KIAA1549: variants seen among roughly 807,000 people sequenced by gnomAD.
KIAA1549 encodes KIAA1549, also known as UPF0606 protein KIAA1549.
A neutral mutation model predicts 156.4 loss-of-function variants in KIAA1549; 70 were observed. The observed-to-expected ratio is 0.45, with a 90% CI of 0.37 to 0.55. The LOEUF (loss-of-function observed/expected upper bound fraction) is 0.55. KIAA1549 is among the 20% of genes least tolerant of loss of function. The pLI is 0.00. For missense variants in KIAA1549, 2,428 were observed against 2,540.9 expected (o/e 0.96, Z 0.96); for synonymous variants, 1,103 against 1,066.4 (o/e 1.03, Z -0.67).
intron 8 of KIAA1549, among the ~76,000 whole-genome samples, chr7:138,902,137 A>C (rs1370535262): frequency 6.6e-6 from 1 of 152,202 alleles, no homozygotes; most frequent in South Asian, 2.1e-4. Flanking sequence ...AATTGTGATT[A>C]GTTTTTAAAT....
intron 17 of KIAA1549, among the ~76,000 whole-genome samples, chr7:138,849,690 A>AT (rs1554409898): frequency 6.6e-6 from 1 of 151,510 alleles, no homozygotes; most frequent in Non-Finnish European, 1.5e-5. Context: ...CCCAATAGTT[A>AT]TTTTTTCTGC....
chr7:138,898,056 C>G (rs1002248912), intron 9 of KIAA1549, among the ~76,000 whole-genome samples: 2 of 151,840 alleles, frequency 1.3e-5, no homozygotes, highest in Non-Finnish European at 2.9e-5. Context: ...CTGCAGTAAT[C>G]CCAGCACTTT....
intron 9 of KIAA1549, among the ~76,000 whole-genome samples, chr7:138,895,200 G>C (rs1016180559): frequency 3.9e-5 from 6 of 152,200 alleles, no homozygotes; most frequent in Admixed American, 3.3e-4. Context: ...TCAAGTAAAT[G>C]AATCACCGAA....
chr7:138,908,631 G>A (rs529322512), intron 5 of KIAA1549, among the ~76,000 whole-genome samples: 9 of 152,286 alleles, frequency 5.9e-5, no homozygotes, highest in East Asian at 3.9e-4. Context: ...CATATGATAC[G>A]TACAACACCC....
chr7:138,844,342 C>T lies in KIAA1549; in HGVS notation c.5427G>A (p.Arg1809=). Residue 1809 remains arginine (R), a synonymous_variant, in exon 18 of 20, where the codon CGG becomes CGA. Transcript: ENST00000422774. ...CTGTGGTACCCCCGACAGGCCGAGG[C>T]CGGGCCACCGACGGCATCTCCTCCG... ...IYSEEMPSVA[R]PRPVGGTTGS... The T allele has an allele frequency of 1.2e-6, 2 of 1,613,918 alleles. No individual in the cohort carries two copies. Among genetic ancestry groups the T allele is most frequent in the South Asian group, 1.1e-5 (1 of 91,076 alleles).
chr7:138,967,141 C>G (rs1814051886), intron 1 of KIAA1549, among the ~76,000 whole-genome samples: 1 of 152,180 alleles, frequency 6.6e-6, no homozygotes, highest in Admixed American at 6.5e-5. Flanking sequence ...AGTGCCTGCA[C>G]AGAGCAGGCA....
rs774500027 is a variant in KIAA1549, at chr7:138,867,943, G to A, written c.4929+32C>T. ...CATCTTTCTAGGAGCCGCCCCACCC[G>A]AGTTCCAGAAACTGGAGTCGGTGGC... On this transcript the variant is annotated intron_variant, in intron 15 of 19. Coordinates refer to ENST00000422774, the MANE Select transcript of KIAA1549 (RefSeq NM_001164665.2). 41 of 1,607,394 alleles carry A rather than the reference G, an allele frequency of 2.6e-5. No homozygotes were observed. The East Asian group carries it at 3.6e-4, about 14-fold the overall frequency.
intron 1 of KIAA1549, among the ~76,000 whole-genome samples, chr7:138,951,058 T>TTTTTGTTTTGTTTTG (rs201826819): frequency 1.3e-5 from 2 of 152,016 alleles, no homozygotes; most frequent in African/African-American, 2.4e-5. Context: ...TCTTCTGGTT[T>TTTTTGTTTTGTTTTG]TTTTGTTTTG....
chr7:138,923,742 G>C (rs1316988669), intron 1 of KIAA1549, among the ~76,000 whole-genome samples: 1 of 152,188 alleles, frequency 6.6e-6, no homozygotes. Context: ...GAAGCTATAA[G>C]AGGGACAGCC....
chr7:138,835,919 G>A lies in KIAA1549; in HGVS notation c.*1987C>T. 4.6e-6 allele frequency: 1 copy of A among 216,752 alleles called. No homozygotes were observed. The highest frequency in any genetic ancestry group is 9.3e-6 in the Non-Finnish European group (1 of 107,600). The allele number at this position is 216,752 out of a possible 1,614,324, so 13.4% of individuals were successfully genotyped here. ...TCTCCTGCACTCCTTCTCTTTCAGA[G>A]GTGCCCAGATGAAAACTGGCTACAT... On this transcript the variant is annotated 3_prime_UTR_variant, in exon 20 of 20. Transcript: ENST00000422774.
At chr7:138,903,184 C>A (rs1190469568) in intron 8 of KIAA1549, among the ~76,000 whole-genome samples, 1 of 152,132 alleles carries the variant, frequency 6.6e-6, no homozygotes, top group African/African-American at 2.4e-5. Flanking sequence ...TATCTGCTCT[C>A]CTATGGTCTC....
intron 15 of KIAA1549, among the ~76,000 whole-genome samples, chr7:138,864,552 A>G (rs1810679270): frequency 6.6e-6 from 1 of 152,234 alleles, no homozygotes; most frequent in Non-Finnish European, 1.5e-5. Flanking sequence ...TAGACTATAG[A>G]TGTTTCACAC....
intron 12 of KIAA1549, among the ~76,000 whole-genome samples, chr7:138,874,173 A>C (rs73468176): frequency 0.015 from 2,212 of 151,244 alleles, 58 homozygotes; most frequent in African/African-American, 0.051. Context: ...AATAATGATT[A>C]GTACAAAGCA....
intron 4 of KIAA1549, among the ~76,000 whole-genome samples, 189 bp from the exon 5 acceptor site, chr7:138,909,310 G>A (rs1812102382): frequency 1.3e-5 from 2 of 152,170 alleles, no homozygotes; most frequent in Non-Finnish European, 2.9e-5. Context: ...AGTAAATGAA[G>A]ACATGCAATG....
At chr7:138,864,014 C>T (rs111692111) in intron 15 of KIAA1549, among the ~76,000 whole-genome samples, 1 of 152,086 alleles carries the variant, frequency 6.6e-6, no homozygotes, top group Non-Finnish European at 1.5e-5. Context: ...GATGAGGAAG[C>T]CTGGTCGGCA....
chr7:138,900,542 C>G (rs889014307), intron 8 of KIAA1549, among the ~76,000 whole-genome samples: 1 of 152,216 alleles, frequency 6.6e-6, no homozygotes, highest in African/African-American at 2.4e-5. Flanking sequence ...AAAGATTCTA[C>G]AAGTCTGTCT....
rs576828831 is a variant in KIAA1549 at position 138,882,283 on chromosome 7, G to A, written c.4033-699C>T. ...AGGAATGAACAGCTCTAGGGATCAG[G>A]CAGAAAGACCTAGAAGCCAAATAGA... On this transcript the variant is annotated intron_variant, in intron 10 of 19. Transcript: ENST00000422774. Among the ~76,000 whole-genome samples the A allele has an allele frequency of 9.3e-4, 141 of 152,344 alleles. 3 individuals are homozygous for A. In the South Asian group the frequency reaches 0.028, roughly 31 times the overall value.
chr7:138,835,657 T>A lies in KIAA1549; in HGVS notation c.*2249A>T, dbSNP rs950433348. 12 of 219,602 alleles carry A rather than the reference T, an allele frequency of 5.5e-5. No individual in the cohort carries two copies. The highest frequency in any genetic ancestry group is 9.1e-5 in the Non-Finnish European group (10 of 109,632). The allele number at this position is 219,602 out of a possible 1,614,324, so 13.6% of individuals were successfully genotyped here. On this transcript the variant is annotated 3_prime_UTR_variant, in exon 20 of 20. Coordinates refer to ENST00000422774, the MANE Select transcript of KIAA1549 (RefSeq NM_001164665.2). The stretch of plus-strand genomic sequence containing the variant: ...TCCATAATAAAATTCTGCTTGGATA[T>A]CTGAAATTCTTAATAACATATTCAG...
intron 16 of KIAA1549, among the ~76,000 whole-genome samples, chr7:138,852,951 C>A (rs1002245350): frequency 3.9e-5 from 6 of 152,164 alleles, no homozygotes; most frequent in African/African-American, 1.4e-4. Flanking sequence ...CCTGAACTAG[C>A]CAAATGTTCT....
Sources: gnomAD v4.1 joint callset for allele counts (sites outside exome capture counted in the v4.1 genomes callset) on GRCh38, gnomAD v4.1.1 for gene constraint, MANE v1.5 for transcripts, NCBI Gene and HGNC (gene_info 2026-07-23, HGNC 2026-07-21) for gene names.